The following EXTL3 variants were observed in gnomAD, a reference collection of about 807,000 sequenced individuals.
EXTL3 encodes the protein exostosin like glycosyltransferase 3.
Under a neutral mutation model 69.3 loss-of-function variants are expected in EXTL3, and 27 were observed. That is an observed-to-expected ratio of 0.39 (90% CI 0.29 to 0.54). The LOEUF (loss-of-function observed/expected upper bound fraction) is 0.54. Among genes scored for constraint, EXTL3 ranks in the 20% least tolerant of loss-of-function variants. EXTL3 has a pLI of 0.69. For synonymous variants in EXTL3, 511 were observed against 499.4 expected, an observed-to-expected ratio of 1.02 and a Z score of -0.31; for missense variants, 1,003 against 1,231.8, an observed-to-expected ratio of 0.81 and a Z score of 2.78.
chr8:28,671,604 G>T (rs1005690676), intron 1 of EXTL3, among the ~76,000 whole-genome samples: 1 of 152,136 alleles, frequency 6.6e-6, no homozygotes, highest in African/African-American at 2.4e-5. Context: ...CTCCCAAAGT[G>T]CTGGGATTAC....
intron 1 of EXTL3, among the ~76,000 whole-genome samples, chr8:28,708,357 C>T (rs1359041887): frequency 2.0e-5 from 3 of 150,608 alleles, no homozygotes. Context: ...TCTCCTGTAA[C>T]TTGGGAAGTG....
intron 3 of EXTL3, 122 bp from the exon 4 acceptor site, chr8:28,731,101 G>A (rs540547584): frequency 4.7e-5 from 55 of 1,159,184 alleles, no homozygotes; most frequent in African/African-American, 6.0e-5. Flanking sequence ...TTTTACAAGC[G>A]CGGAGATCAG....
intron 2 of EXTL3, among the ~76,000 whole-genome samples, chr8:28,714,959 T>C (rs1801108917): frequency 6.6e-6 from 1 of 152,236 alleles, no homozygotes; most frequent in Admixed American, 6.5e-5. Flanking sequence ...AAAGAGCAAG[T>C]TACTATTTAT....
intron 1 of EXTL3, among the ~76,000 whole-genome samples, chr8:28,705,601 C>T (rs1296320942): frequency 6.6e-6 from 1 of 151,484 alleles, no homozygotes; most frequent in African/African-American, 2.4e-5. Context: ...TATGGCTTAG[C>T]AAACTTGCTT....
intron 5 of EXTL3, among the ~76,000 whole-genome samples, chr8:28,739,736 T>C (rs1801736097): frequency 6.6e-6 from 1 of 152,136 alleles, no homozygotes; most frequent in African/African-American, 2.4e-5. Flanking sequence ...ATTCTTGCAC[T>C]TCACCTCAGG....
chr8:28,666,763 T>TG (rs1807203490), intron 1 of EXTL3, among the ~76,000 whole-genome samples: 1 of 152,060 alleles, frequency 6.6e-6, no homozygotes, highest in South Asian at 2.1e-4. Flanking sequence ...TTAGTAGAGA[T>TG]GGGGTTTCAC....
intron 1 of EXTL3, among the ~76,000 whole-genome samples, chr8:28,672,350 G>A (rs1212842473): frequency 6.8e-6 from 1 of 146,422 alleles, no homozygotes; most frequent in Non-Finnish European, 1.5e-5. Flanking sequence ...ACCAGGAGGC[G>A]GAGCTTGCAG....
chr8:28,639,308 C>A (rs1806707186), intron 1 of EXTL3, among the ~76,000 whole-genome samples: 1 of 152,110 alleles, frequency 6.6e-6, no homozygotes, highest in Non-Finnish European at 1.5e-5. Flanking sequence ...CTCAATCTCT[C>A]TGCGTCCCTG....
In EXTL3 at chr8:28,717,908, A is replaced by G; in HGVS notation, c.1849A>G (p.Thr617Ala). The G allele has an allele frequency of 2.5e-6, 4 of 1,613,432 alleles. No homozygotes were observed. Among genetic ancestry groups the G allele is most frequent in the Non-Finnish European group, 3.4e-6 (4 of 1,179,890 alleles). Residue 617 changes from threonine to alanine, a missense_variant, in exon 3 of 7, where the codon ACT becomes GCT. Thr to Ala is a moderately conservative substitution (Grantham distance 58, BLOSUM62 0). This residue lies in a region of EXTL3 where 261 missense variants were observed against 416.4 expected (regional missense o/e 0.63). Coordinates refer to ENST00000220562, the MANE Select transcript of EXTL3 (RefSeq NM_001440.4). The surrounding 1 kb of genome is among the most constrained non-coding windows in gnomAD (Gnocchi z 8.3). ...AGGGCCTTTCCATCTTTTCCCCCAC[A>G]CTCCCTTTGACCCTGTGTTGCCCTC... is the stretch of plus-strand genomic sequence containing the variant. ...APGPFHLFPH[T>A]PFDPVLPSEA...
At chr8:28,625,271 G>A (rs1806473724) in intron 1 of EXTL3, among the ~76,000 whole-genome samples, 2 of 152,118 alleles carry the variant, frequency 1.3e-5, no homozygotes, top group African/African-American at 4.8e-5. Context: ...CAGAAGTAGG[G>A]GCCGGCATAT....
In EXTL3 at chr8:28,716,328, G is replaced by C. The variant is rs745551307; in HGVS notation, c.269G>C (p.Ser90Thr). Residue 90 changes from serine to threonine, a missense_variant, in exon 3 of 7, where the codon AGT (serine) becomes ACT (threonine). Physicochemically the swap from Ser to Thr is moderately conservative, Grantham distance 58 (BLOSUM62 1). Around this residue, in one of 2 missense-constraint regions of EXTL3, gnomAD observed 742 missense variants for 815.4 expected, o/e 0.91. Transcript: ENST00000220562. The surrounding 1 kb of genome is among the most constrained non-coding windows in gnomAD (Gnocchi z 7.1). ...CTGTGCCGCATCCGGGAGTCGGTGA[G>C]TGAAGAGCTCCTGCAGCTGGAGGCC... ...LDLCRIRESV[S>T]EELLQLEAKR... The C allele has an allele frequency of 6.2e-7, 1 of 1,614,190 alleles. No individual in the cohort carries two copies. The highest frequency in any genetic ancestry group is 1.1e-5 in the South Asian group (1 of 91,086).
intron 1 of EXTL3, chr8:28,685,972 TCTC>T (rs1807570714): frequency 6.6e-6 from 1 of 152,020 alleles, no homozygotes; most frequent in Admixed American, 6.6e-5. Context: ...TTCAAGCAAT[TCTC>T]CTGCCTCAGC....
chr8:28,608,285 C>T (rs576644587), intron 2 of EXTL3, among the ~76,000 whole-genome samples: 1 of 152,144 alleles, frequency 6.6e-6, no homozygotes, highest in East Asian at 1.9e-4. Context: ...ACCCACGCTC[C>T]TGTGACTCCT....
chr8:28,694,980 C>T (rs1248939540), intron 1 of EXTL3, among the ~76,000 whole-genome samples: 1 of 152,118 alleles, frequency 6.6e-6, no homozygotes, highest in Non-Finnish European at 1.5e-5. Flanking sequence ...CACGCCACTG[C>T]ACTTCAGCCT....
At chr8:28,651,581 T>C (rs557469966) in intron 1 of EXTL3, among the ~76,000 whole-genome samples, 39 of 152,290 alleles carry the variant, frequency 2.6e-4, no homozygotes, top group African/African-American at 8.9e-4. Flanking sequence ...TGCCTCAGCC[T>C]TCCAAAGTGC....
At chr8:28,731,006 A>G (rs554257048) in intron 3 of EXTL3, among the ~76,000 whole-genome samples, 30 of 152,366 alleles carry the variant, frequency 2.0e-4, no homozygotes, top group African/African-American at 7.2e-4. Context: ...AAATTAGCTA[A>G]CTAATGAATG....
chr8:28,689,258 A>G (rs1031356788), intron 1 of EXTL3, among the ~76,000 whole-genome samples: 4 of 152,186 alleles, frequency 2.6e-5, no homozygotes, highest in African/African-American at 9.7e-5. Flanking sequence ...TTATATCCTT[A>G]GCAACACAAA....
In EXTL3 at chr8:28,683,821, A is replaced by C. The variant is rs545423616; in HGVS notation, c.-52-29636A>C. The stretch of plus-strand genomic sequence containing the variant: ...TGAGACTCCGTCTCAAAAAAAAAAA[A>C]ATTATTGCTGTCTATAGTCACCCTG... On this transcript the variant is annotated intron_variant, in intron 1 of 6. Coordinates refer to the EXTL3 transcript ENST00000523149. Among the ~76,000 whole-genome samples, 8 of 152,122 alleles carry C rather than the reference A, an allele frequency of 5.3e-5. 1 individual carries two copies. In the South Asian group the frequency reaches 1.7e-3, roughly 32 times the overall value.
At chr8:28,744,792 C>CAAAA (rs56932280) in intron 6 of EXTL3, among the ~76,000 whole-genome samples, 2 of 137,626 alleles carry the variant, frequency 1.5e-5, no homozygotes, top group African/African-American at 5.5e-5. Context: ...GACTCCATCT[C>CAAAA]AAAAAAAAAA....
Sources: allele counts gnomAD v4.1 joint callset (sites outside exome capture counted in the v4.1 genomes callset), GRCh38; gene constraint gnomAD v4.1.1; regional missense constraint gnomAD v4.1.1; non-coding constraint Gnocchi (gnomAD v3.1); transcripts MANE v1.5; gene names NCBI Gene and HGNC (gene_info 2026-07-23, HGNC 2026-07-21).